Variants in PDIA5 observed in about 807,000 individuals in gnomAD.
PDIA5 encodes the protein protein disulfide-isomerase A5.
PDIA5 carries 58 observed loss-of-function variants against 77.6 expected under a neutral mutation model. That is an observed-to-expected ratio of 0.75 (90% CI 0.61 to 0.93). The LOEUF (loss-of-function observed/expected upper bound fraction) is 0.93. PDIA5 is among the 40% of genes least tolerant of loss of function. The pLI, the probability that PDIA5 is intolerant of heterozygous loss-of-function variation, is 0.00. For synonymous variants in PDIA5, 250 were observed against 252.1 expected (o/e 0.99, Z 0.08); for missense variants, 630 against 647.7 (o/e 0.97, Z 0.30).
rs535537242 is a variant in PDIA5 at position 123,159,622 on chromosome 3, TA to T, written c.1345-1698del. Among the ~76,000 whole-genome samples, 18 of 152,374 alleles carry T rather than the reference TA, an allele frequency of 1.2e-4. No homozygotes were observed. In the South Asian group the frequency reaches 3.7e-3, roughly 32 times the overall value. The stretch of plus-strand genomic sequence containing the variant: ...TTCTATGTTGGAGCTAATTCAGATT[TA>T]TTTTTTTTGTTGTTGTTAAATTCAA... On this transcript the variant is annotated intron_variant, in intron 15 of 16. Transcript: ENST00000316218.
At chr3:123,093,401 G>A (rs534341714) in intron 3 of PDIA5, among the ~76,000 whole-genome samples, 1 of 152,176 alleles carries the variant, frequency 6.6e-6, no homozygotes, top group Non-Finnish European at 1.5e-5. Context: ...AAGTGTGCTT[G>A]CCTTGACCAG....
chr3:123,082,300 C>T (rs1044738050), intron 1 of PDIA5, among the ~76,000 whole-genome samples: 40 of 152,064 alleles, frequency 2.6e-4, no homozygotes, highest in African/African-American at 9.2e-4. Flanking sequence ...AGCAGGCCTC[C>T]TGTGGCCTGG....
At chr3:123,070,448 T>C (rs1273197895) in intron 1 of PDIA5, among the ~76,000 whole-genome samples, 1 of 152,228 alleles carries the variant, frequency 6.6e-6, no homozygotes, top group East Asian at 1.9e-4. Context: ...GAAAAGTTAA[T>C]AAAGATTTTT....
intron 1 of PDIA5, among the ~76,000 whole-genome samples, chr3:123,072,912 CTGTG>C (rs66567660): frequency 0.092 from 13,543 of 146,716 alleles, 812 homozygotes; most frequent in Non-Finnish European, 0.13. Context: ...ACCTCTCCTT[CTGTG>C]TGTGTGTGTG....
chr3:123,109,705 C>G (rs1345910916), intron 6 of PDIA5, among the ~76,000 whole-genome samples: 1 of 151,822 alleles, frequency 6.6e-6, no homozygotes, highest in African/African-American at 2.4e-5. Context: ...AAAAAAAAAT[C>G]ACCTCATACC....
At chr3:123,117,630 C>T (rs1407314236) in intron 8 of PDIA5, among the ~76,000 whole-genome samples, 1 of 151,828 alleles carries the variant, frequency 6.6e-6, no homozygotes, top group Non-Finnish European at 1.5e-5. Flanking sequence ...CCTCAAGTTT[C>T]ATCCATGTAG....
intron 14 of PDIA5, among the ~76,000 whole-genome samples, chr3:123,151,795 GCCT>G (rs1935906319): frequency 2.2e-4 from 21 of 93,378 alleles, no homozygotes; most frequent in Non-Finnish European, 3.3e-4. Context: ...CTGCCTTCCT[GCCT>G]GCCTGCCTTC....
intron 8 of PDIA5, among the ~76,000 whole-genome samples, chr3:123,120,143 C>T (rs1935076567): frequency 6.6e-6 from 1 of 152,236 alleles, no homozygotes; most frequent in African/African-American, 2.4e-5. Flanking sequence ...GACATCTGCA[C>T]TGAGCCTTTG....
rs1475055682 is a variant in PDIA5 at position 123,140,337 on chromosome 3, T to C, written c.911-5185T>C. On this transcript the variant is annotated intron_variant, in intron 11 of 16. Transcript: ENST00000316218. ...GAATCTACCTGTGATAGGAAGCCAC[T>C]GTAAAGTTTTAAGCAAAGGGATCTG... Among the ~76,000 whole-genome samples the C allele has an allele frequency of 2.0e-5, 3 of 152,068 alleles. 1 individual carries two copies. The highest frequency in any genetic ancestry group is 4.4e-5 in the Non-Finnish European group (3 of 68,032).
intron 3 of PDIA5, among the ~76,000 whole-genome samples, chr3:123,093,549 G>C (rs1418972693): frequency 6.6e-6 from 1 of 152,218 alleles, no homozygotes; most frequent in East Asian, 1.9e-4. Context: ...GAGGCTTGTA[G>C]GTGGCAGAAA....
At chr3:123,135,134 T>C (rs1935468887) in intron 11 of PDIA5, among the ~76,000 whole-genome samples, 1 of 152,210 alleles carries the variant, frequency 6.6e-6, no homozygotes. Flanking sequence ...CGGCGTTCCA[T>C]ATGAGAGAAG....
At chr3:123,131,857 C>G (rs1935378369) in intron 11 of PDIA5, among the ~76,000 whole-genome samples, 1 of 151,760 alleles carries the variant, frequency 6.6e-6, no homozygotes, top group Admixed American at 6.6e-5. Context: ...CAGGGGATGG[C>G]AGGTGTGGGC....
chr3:123,155,286 G>C (rs1420430442), intron 15 of PDIA5, among the ~76,000 whole-genome samples: 1 of 152,194 alleles, frequency 6.6e-6, no homozygotes, highest in Non-Finnish European at 1.5e-5. Context: ...GATGGTTAAA[G>C]GGGTCATCTA....
At chr3:123,132,040 T>A (rs760022848) in intron 11 of PDIA5, among the ~76,000 whole-genome samples, 2 of 152,188 alleles carry the variant, frequency 1.3e-5, no homozygotes, top group East Asian at 3.9e-4. Context: ...ATGCCAACAG[T>A]TGTGTGTCAC....
intron 8 of PDIA5, among the ~76,000 whole-genome samples, chr3:123,121,082 G>A (rs1177772353): frequency 6.6e-6 from 1 of 152,206 alleles, no homozygotes; most frequent in African/African-American, 2.4e-5. Flanking sequence ...CTTTCCCAAA[G>A]TGATCCTGGC....
intron 6 of PDIA5, among the ~76,000 whole-genome samples, chr3:123,110,526 C>A (rs1449916792): frequency 1.3e-5 from 2 of 152,182 alleles, no homozygotes; most frequent in East Asian, 3.9e-4. Flanking sequence ...AACAAAACCG[C>A]TGTGTAAGTC....
At chr3:123,150,488 A>G in intron 14 of PDIA5, 124 bp downstream of exon 14, 1 of 847,444 alleles carries the variant, frequency 1.2e-6, no homozygotes, top group South Asian at 2.0e-5. Flanking sequence ...GGTCATCTCC[A>G]TTATGAACCA....
intron 1 of PDIA5, 121 bp from the exon 2 acceptor site, chr3:123,089,047 T>C: frequency 1.2e-6 from 1 of 850,224 alleles, no homozygotes; most frequent in Admixed American, 2.6e-5. Flanking sequence ...GCATGAGATG[T>C]GTTGGTTTGC....
At chr3:123,116,355 A>C (rs1416991402) in intron 8 of PDIA5, 57 bp downstream of exon 8, 148 of 1,058,856 alleles carry the variant, frequency 1.4e-4, no homozygotes, top group Non-Finnish European at 1.9e-4. Flanking sequence ...TGGCGGAGGA[A>C]GGGTGCCAGG....
Sources: allele counts gnomAD v4.1 joint callset (sites outside exome capture counted in the v4.1 genomes callset), GRCh38; gene constraint gnomAD v4.1.1; transcripts MANE v1.5; gene names NCBI Gene and HGNC (gene_info 2026-07-23, HGNC 2026-07-21).